GDI2: variants seen among roughly 807,000 people sequenced by gnomAD.
GDI2 encodes rab GDP dissociation inhibitor beta.
A neutral mutation model predicts 54.2 loss-of-function variants in GDI2; 22 were observed. The observed-to-expected ratio is 0.41, with a 90% CI of 0.29 to 0.58. The LOEUF (loss-of-function observed/expected upper bound fraction) is 0.58. GDI2 is among the 20% of genes least tolerant of loss of function. The pLI is 0.35. For missense variants in GDI2, 422 were observed against 546.0 expected, an observed-to-expected ratio of 0.77 and a Z score of 2.26; for synonymous variants, 177 against 182.1, an observed-to-expected ratio of 0.97 and a Z score of 0.23.
intron 1 of GDI2, among the ~76,000 whole-genome samples, 198 bp downstream of exon 1, chr10:5,813,016 C>A (rs950408092): frequency 1.3e-5 from 2 of 152,166 alleles, no homozygotes; most frequent in African/African-American, 2.4e-5. Context: ...CTGCCCCTCA[C>A]ACTGGGAGCC....
rs749909436 is a variant in GDI2 at position 5,766,062 on chromosome 10, C to G, written c.1282G>C (p.Glu428Gln). 5 of 1,599,384 alleles carry G rather than the reference C, an allele frequency of 3.1e-6. No homozygotes were observed. The highest frequency in any genetic ancestry group is 2.6e-6 in the Non-Finnish European group (3 of 1,176,236). Residue 428 changes from glutamate to glutamine, a missense_variant, in exon 11 of 11, where the codon GAG becomes CAG. Transcript: ENST00000380191. This position sits in a 1 kb window ranked among gnomAD's most constrained non-coding sequence, Gnocchi z 5.8. ...CGCTTCATTTCCTCAAAGTCAAACT[C>G]TGATCCTGTCATCCTCTTATAGATG... ...KNIYKRMTGS[E>Q]FDFEEMKRKK...
intron 7 of GDI2, among the ~76,000 whole-genome samples, chr10:5,771,596 A>C (rs139585138): frequency 5.2e-4 from 79 of 152,332 alleles, no homozygotes; most frequent in African/African-American, 1.8e-3. Flanking sequence ...CTGACAAAAA[A>C]TAAATGCTCA....
chr10:5,786,024 G>T lies in GDI2; in HGVS notation c.415C>A (p.Arg139Ser). The change falls in exon 5 of 11, where the codon CGC (arginine) becomes AGC (serine). Residue 139 changes from arginine (R) to serine (S), a missense_variant. Arg to Ser is a moderately radical substitution (Grantham distance 110). Coordinates refer to ENST00000380191, the MANE Select transcript of GDI2 (RefSeq NM_001494.4). Reference protein sequence around the residue: ...SSLMGLFEKRRFRKFLVYVAN... With the variant: ...SSLMGLFEKRSFRKFLVYVAN... ...ACATACACTAGGAATTTCCTGAAGC[G>T]ACGTTTTTCAAACAATCCCATTAGG... is the stretch of plus-strand genomic sequence containing the variant. 1 of 1,613,088 alleles carries T rather than the reference G, an allele frequency of 6.2e-7. No homozygotes were observed. Among genetic ancestry groups the T allele is most frequent in the Non-Finnish European group, 8.5e-7 (1 of 1,179,306 alleles).
chr10:5,809,057 C>G (rs1361787614), intron 1 of GDI2, among the ~76,000 whole-genome samples: 1 of 152,046 alleles, frequency 6.6e-6, no homozygotes, highest in East Asian at 1.9e-4. Context: ...CCAGCCTGAT[C>G]AATATGGTGA....
intron 1 of GDI2, among the ~76,000 whole-genome samples, chr10:5,807,791 T>C (rs117871265): frequency 0.012 from 1,827 of 152,162 alleles, 21 homozygotes; most frequent in Non-Finnish European, 0.018. Context: ...ACCACCAGAG[T>C]TGCAATCATC....
chr10:5,774,135 C>CAA lies in GDI2; in HGVS notation c.720-196_720-195dup, dbSNP rs33959817. Among the ~76,000 whole-genome samples the CAA allele has an allele frequency of 3.3e-5, 5 of 151,662 alleles. No individual in the cohort carries two copies. Among genetic ancestry groups the CAA allele is most frequent in the African/African-American group, 7.3e-5 (3 of 41,228 alleles). The stretch of plus-strand genomic sequence containing the variant: ...ACATAATCAGTTATAAATACGAAGT[C>CAA]AAAAAAAATCACTAACCAGGCACTT... On this transcript the variant is annotated intron_variant, in intron 6 of 10. Transcript: ENST00000380191. The surrounding 1 kb of genome is among the most constrained non-coding windows in gnomAD (Gnocchi z 4.8).
rs1301347737 is a variant in GDI2 at position 5,787,763 on chromosome 10, C to T, written c.389-1713G>A. Among the ~76,000 whole-genome samples, 6 of 152,314 alleles carry T rather than the reference C, an allele frequency of 3.9e-5. No homozygotes were observed. In the South Asian group the frequency reaches 8.3e-4, roughly 21 times the overall value. On this transcript the variant is annotated intron_variant, in intron 4 of 10. Transcript: ENST00000380191. ...CACTTAAAACTTAGGTATCATATTC[C>T]GGTCGGCACAGCCTGTCAGAACTTA... is the stretch of plus-strand genomic sequence containing the variant.
At chr10:5,783,668 CTTGT>C (rs1422851311) in intron 6 of GDI2, among the ~76,000 whole-genome samples, 4 of 152,182 alleles carry the variant, frequency 2.6e-5, no homozygotes, top group African/African-American at 9.6e-5. Context: ...TCTCTCAGCA[CTTGT>C]TTGTGTGAAA....
chr10:5,799,421 GCAGA>G (rs1841218271), intron 2 of GDI2, among the ~76,000 whole-genome samples: 1 of 152,152 alleles, frequency 6.6e-6, no homozygotes, highest in African/African-American at 2.4e-5. Context: ...GGAGGCCAAG[GCAGA>G]CAGATCACAT....
At chr10:5,784,504 T>A (rs1019162874) in intron 6 of GDI2, among the ~76,000 whole-genome samples, 1 of 152,224 alleles carries the variant, frequency 6.6e-6, no homozygotes. Context: ...GAACCCTGTT[T>A]TGTCATATTA....
At chr10:5,780,221 C>A (rs200821392) in intron 6 of GDI2, among the ~76,000 whole-genome samples, 23 of 61,130 alleles carry the variant, frequency 3.8e-4, no homozygotes, top group Admixed American at 5.5e-4. Flanking sequence ...AAAAAAAAAA[C>A]AAACAAACAA....
chr10:5,808,656 A>G (rs1319082021), intron 1 of GDI2, among the ~76,000 whole-genome samples: 1 of 151,500 alleles, frequency 6.6e-6, no homozygotes, highest in Middle Eastern at 3.2e-3. Context: ...AGCCTGGGTA[A>G]CAGAGAGCTC....
Position 5,766,720 on chromosome 10 carries a change from G to T in GDI2, c.992-82C>A. On this transcript the variant is annotated intron_variant, in intron 8 of 10. Coordinates refer to ENST00000380191, the MANE Select transcript of GDI2 (RefSeq NM_001494.4). The surrounding 1 kb of genome is among the most constrained non-coding windows in gnomAD (Gnocchi z 5.8). ...TACTCAGGTATCACCCATATGTCAT[G>T]AGGTGTGAGTTAAAATTACTCTCAA... 9.0e-7 allele frequency: 1 copy of T among 1,113,228 alleles called. No individual in the cohort carries two copies. Among genetic ancestry groups the T allele is most frequent in the Non-Finnish European group, 1.3e-6 (1 of 742,626 alleles). 69.0% of individuals were successfully genotyped at this position (1,113,228 alleles called of 1,614,324 possible).
intron 6 of GDI2, among the ~76,000 whole-genome samples, chr10:5,775,093 G>A (rs867138440): frequency 6.6e-6 from 1 of 152,212 alleles, no homozygotes; most frequent in African/African-American, 2.4e-5. Flanking sequence ...TTTAAGACCA[G>A]CCTTGGCAAC....
rs1362665090 is a variant in GDI2, at chr10:5,774,306, C to T, written c.720-365G>A. ...TTCTACCTTATGCCCCTTGGTCATT[C>T]TTTCTTCTGAGGAGAAAAGAACTGA... On this transcript the variant is annotated intron_variant, in intron 6 of 10. Coordinates refer to ENST00000380191, the MANE Select transcript of GDI2 (RefSeq NM_001494.4). This position sits in a 1 kb window ranked among gnomAD's most constrained non-coding sequence, Gnocchi z 4.8. Among the ~76,000 whole-genome samples the T allele has an allele frequency of 6.6e-6, 1 of 152,140 alleles. No homozygotes were observed. The highest frequency in any genetic ancestry group is 1.9e-4 in the East Asian group (1 of 5,198).
chr10:5,783,058 A>G (rs1056326804), intron 6 of GDI2, among the ~76,000 whole-genome samples: 2 of 152,240 alleles, frequency 1.3e-5, no homozygotes, highest in African/African-American at 4.8e-5. Context: ...AAAGTAATCT[A>G]TAGTGACAGA....
At chr10:5,801,598 C>A (rs1312366249) in intron 1 of GDI2, among the ~76,000 whole-genome samples, 1 of 152,058 alleles carries the variant, frequency 6.6e-6, no homozygotes, top group East Asian at 1.9e-4. Flanking sequence ...ATTGCTTGAA[C>A]CTGGGAGGCA....
At chr10:5,809,444 T>C (rs1167438951) in intron 1 of GDI2, among the ~76,000 whole-genome samples, 2 of 152,158 alleles carry the variant, frequency 1.3e-5, no homozygotes, top group African/African-American at 2.4e-5. Flanking sequence ...TGACTTAGCA[T>C]TGACTTACAC....
rs1840333196 is a variant in GDI2, at chr10:5,766,361, CAACT to C, written c.1137-70_1137-67del. 4.7e-6 allele frequency: 7 copies of C among 1,497,880 alleles called. No individual in the cohort carries two copies. In the Admixed American group the frequency reaches 1.0e-4, roughly 21 times the overall value. 92.8% of individuals were successfully genotyped at this position (1,497,880 alleles called of 1,614,324 possible). The stretch of plus-strand genomic sequence containing the variant: ...ACCTGACCATGGCTCTGCCTGAGGT[CAACT>C]GAGAGGTACAGATGAATCCCACAGA... On this transcript the variant is annotated intron_variant, in intron 9 of 10. Transcript: ENST00000380191. The surrounding 1 kb of genome is among the most constrained non-coding windows in gnomAD (Gnocchi z 5.8).
Sources: gnomAD v4.1 joint callset for allele counts (sites outside exome capture counted in the v4.1 genomes callset) on GRCh38, gnomAD v4.1.1 for gene constraint, Gnocchi (gnomAD v3.1) non-coding constraint, MANE v1.5 for transcripts, NCBI Gene and HGNC (gene_info 2026-07-23, HGNC 2026-07-21) for gene names.